The following HYDIN variants were observed in gnomAD, a reference collection of about 807,000 sequenced individuals.
HYDIN encodes HYDIN axonemal central pair apparatus protein, also known as axonemal central pair apparatus protein HYDIN.
Under a neutral mutation model 403.9 loss-of-function variants are expected in HYDIN, and 132 were observed. That is an observed-to-expected ratio of 0.33 (90% CI 0.28 to 0.38). HYDIN has a LOEUF of 0.38. Among genes scored for constraint, HYDIN ranks in the 10% least tolerant of loss-of-function variants. The probability of loss-of-function intolerance (pLI) is 1.00; values close to 1 mark genes in which losing one functional copy is unlikely to be tolerated. For missense variants in HYDIN, 2,827 were observed against 5,009.5 expected, an observed-to-expected ratio of 0.56 and a Z score of 13.15; for synonymous variants, 1,202 against 1,891.7, an observed-to-expected ratio of 0.64 and a Z score of 9.46.
chr16:70,942,595 A>T (rs1157393589), intron 42 of HYDIN, among the ~76,000 whole-genome samples: 1 of 152,288 alleles, frequency 6.6e-6, no homozygotes, highest in African/African-American at 2.4e-5. Flanking sequence ...GTGTTACTCA[A>T]AGTGTAGCCC....
intron 43 of HYDIN, among the ~76,000 whole-genome samples, chr16:70,940,831 G>A (rs1011215169): frequency 2.0e-5 from 3 of 152,260 alleles, no homozygotes; most frequent in African/African-American, 7.2e-5. Context: ...TTAGAAGGGA[G>A]CGGTAAGCCG....
chr16:71,038,013 T>C (rs1597611990), intron 18 of HYDIN, among the ~76,000 whole-genome samples: 1 of 152,320 alleles, frequency 6.6e-6, no homozygotes, highest in East Asian at 1.9e-4. Flanking sequence ...AAATGAGCCT[T>C]CCTAAGCTTT....
chr16:71,062,071 G>A, intron 17 of HYDIN, 98 bp downstream of exon 17: 2 of 1,005,844 alleles, frequency 2.0e-6, no homozygotes, highest in Non-Finnish European at 1.5e-6. Context: ...AGCAACTGGG[G>A]TGTATGTGAA....
At chr16:71,084,409 CAG>C (rs2082873697) in intron 12 of HYDIN, among the ~76,000 whole-genome samples, 1 of 135,022 alleles carries the variant, frequency 7.4e-6, no homozygotes, top group African/African-American at 3.1e-5. Context: ...GTTTTTGAGA[CAG>C]AGTCTCACTC....
intron 11 of HYDIN, among the ~76,000 whole-genome samples, chr16:71,090,850 AT>A (rs1214682705): frequency 6.8e-6 from 1 of 146,284 alleles, no homozygotes; most frequent in Non-Finnish European, 1.5e-5. Flanking sequence ...ATGGGTTTAA[AT>A]TTTACCTGTG....
At chr16:71,050,214 T>A (rs1201376259) in intron 18 of HYDIN, among the ~76,000 whole-genome samples, 1 of 150,020 alleles carries the variant, frequency 6.7e-6, no homozygotes, top group African/African-American at 2.4e-5. Flanking sequence ...TAAGAGCAAC[T>A]AGTGAGAAAA....
intron 8 of HYDIN, 89 bp from the exon 9 acceptor site, chr16:71,129,912 T>C (rs1474414874): frequency 6.5e-7 from 1 of 1,536,684 alleles, no homozygotes; most frequent in African/African-American, 1.4e-5. Context: ...CTCCTGGAAA[T>C]GTCCTCAGCC....
chr16:71,190,835 C>G (rs1025165841), intron 1 of HYDIN, among the ~76,000 whole-genome samples: 1 of 152,174 alleles, frequency 6.6e-6, no homozygotes, highest in Non-Finnish European at 1.5e-5. Context: ...CTCCGACCTA[C>G]CAGCCCAATT....
chr16:71,104,045 TACC>T (rs1438604465), intron 10 of HYDIN, among the ~76,000 whole-genome samples: 19 of 152,078 alleles, frequency 1.2e-4, no homozygotes, highest in Non-Finnish European at 2.2e-4. Context: ...TAAGTGATAC[TACC>T]TTTTAAAATT....
intron 84 of HYDIN, among the ~76,000 whole-genome samples, chr16:70,810,900 A>T (rs1052519677): frequency 2.6e-5 from 4 of 152,170 alleles, no homozygotes; most frequent in African/African-American, 9.7e-5. Flanking sequence ...TGATATTTTA[A>T]GTGGAAGAAA....
At chr16:70,928,553 C>T (rs1264513208) in intron 45 of HYDIN, among the ~76,000 whole-genome samples, 1 of 148,814 alleles carries the variant, frequency 6.7e-6, no homozygotes, top group African/African-American at 2.4e-5. Context: ...AACAGAAACA[C>T]TTGAAGGTGA....
intron 12 of HYDIN, among the ~76,000 whole-genome samples, chr16:71,083,545 T>C (rs1351573243): frequency 1.5e-5 from 2 of 135,414 alleles, no homozygotes; most frequent in Admixed American, 7.5e-5. Flanking sequence ...TGTCTTACAT[T>C]CCTAATTACC....
At chr16:71,056,021 G>A (rs541943681) in intron 18 of HYDIN, among the ~76,000 whole-genome samples, 2 of 152,188 alleles carry the variant, frequency 1.3e-5, no homozygotes, top group African/African-American at 2.4e-5. Context: ...CTGCTCATAG[G>A]GAGGGGAAAG....
intron 18 of HYDIN, among the ~76,000 whole-genome samples, chr16:71,042,431 A>G (rs2081313515): frequency 6.6e-6 from 1 of 152,042 alleles, no homozygotes; most frequent in African/African-American, 2.4e-5. Flanking sequence ...GTAAATAATA[A>G]TAGCTTTTTT....
chr16:71,134,703 G>A (rs942595290), intron 8 of HYDIN, among the ~76,000 whole-genome samples: 14 of 152,170 alleles, frequency 9.2e-5, no homozygotes, highest in South Asian at 8.3e-4. Context: ...GTTTAGTAAA[G>A]GGCAAACTTG....
chr16:70,884,811 T>C (rs1471757647), intron 58 of HYDIN, among the ~76,000 whole-genome samples: 88 of 151,754 alleles, frequency 5.8e-4, no homozygotes, highest in South Asian at 6.3e-4. Context: ...CCGTAGAATG[T>C]GCTGACAATG....
intron 23 of HYDIN, among the ~76,000 whole-genome samples, chr16:70,994,287 ATG>A (rs2079457024): frequency 6.6e-6 from 1 of 150,768 alleles, no homozygotes; most frequent in Non-Finnish European, 1.5e-5. Flanking sequence ...GGATGGATGG[ATG>A]GATGGATGGA....
intron 1 of HYDIN, among the ~76,000 whole-genome samples, chr16:71,215,716 C>G (rs1473791132): frequency 6.6e-6 from 1 of 151,314 alleles, no homozygotes; most frequent in Non-Finnish European, 1.5e-5. Flanking sequence ...GGAAAAGGTA[C>G]TTGTGACACA....
rs555684222 is a variant in HYDIN, at chr16:71,167,632, T to A, written c.517-4902A>T. On this transcript the variant is annotated intron_variant, in intron 5 of 85. Coordinates refer to ENST00000393567, the MANE Select transcript of HYDIN (RefSeq NM_001270974.2). ...AATAAGGAAGGTTTGAAGTTTGATT[T>A]GCATTATAAATTTTTTCATAATCAA... Among the ~76,000 whole-genome samples, 3 of 152,338 alleles carry A rather than the reference T, an allele frequency of 2.0e-5. No homozygotes were observed. In the South Asian group the frequency reaches 6.2e-4, roughly 32 times the overall value.
Sources: gnomAD v4.1 joint callset for allele counts (sites outside exome capture counted in the v4.1 genomes callset) on GRCh38, gnomAD v4.1.1 for gene constraint, MANE v1.5 for transcripts, NCBI Gene and HGNC (gene_info 2026-07-23, HGNC 2026-07-21) for gene names.